Variants in RAP1GAP2 observed in about 807,000 individuals in gnomAD.
RAP1GAP2 encodes the protein rap1 GTPase-activating protein 2.
Under a neutral mutation model 95.0 loss-of-function variants are expected in RAP1GAP2, and 27 were observed. The observed-to-expected ratio is 0.28, with a 90% confidence interval of 0.21 to 0.39. The LOEUF (loss-of-function observed/expected upper bound fraction) is 0.39, where lower values mean the gene tolerates loss of function less well. Ranked by LOEUF, RAP1GAP2 falls within the 10% of genes least tolerant of loss-of-function variation. The probability of loss-of-function intolerance (pLI) is 1.00; values close to 1 mark genes in which losing one functional copy is unlikely to be tolerated. For missense variants in RAP1GAP2, 771 were observed against 970.0 expected (o/e 0.79, Z 2.72); for synonymous variants, 373 against 380.9 (o/e 0.98, Z 0.24).
chr17:2,970,222 C>T (rs139712245), intron 8 of RAP1GAP2, among the ~76,000 whole-genome samples: 2,210 of 138,878 alleles, frequency 0.016, 56 homozygotes, highest in African/African-American at 0.055. Context: ...TGCAGTGAGC[C>T]GATTTGGCGC....
chr17:2,809,553 C>T (rs1212539673), intron 2 of RAP1GAP2, among the ~76,000 whole-genome samples: 1 of 152,196 alleles, frequency 6.6e-6, no homozygotes, highest in Non-Finnish European at 1.5e-5. Context: ...AACCCCCAGG[C>T]CTCTGGCCAT....
chr17:2,905,224 T>C (rs2042161700), intron 2 of RAP1GAP2, 60 bp from the exon 3 acceptor site: 2 of 1,493,224 alleles, frequency 1.3e-6, no homozygotes, highest in Non-Finnish European at 1.9e-6. Flanking sequence ...CAGTCACTCT[T>C]GGAGGAGAGA....
intron 2 of RAP1GAP2, among the ~76,000 whole-genome samples, chr17:2,869,912 G>A (rs1230770536): frequency 6.6e-6 from 1 of 152,172 alleles, no homozygotes; most frequent in Admixed American, 6.5e-5. Context: ...ACGTGGCTCC[G>A]GGCCACGTGA....
chr17:3,023,828 C>G (rs1310052878), intron 19 of RAP1GAP2, among the ~76,000 whole-genome samples: 3 of 152,122 alleles, frequency 2.0e-5, no homozygotes, highest in Admixed American at 6.5e-5. Context: ...CCGACAGGCC[C>G]TGGTGTGTGA....
intron 21 of RAP1GAP2, 26 bp downstream of exon 21, chr17:3,026,490 G>A (rs2047122370): frequency 1.3e-6 from 2 of 1,512,736 alleles, no homozygotes; most frequent in South Asian, 1.2e-5. Flanking sequence ...CCACCCTTGG[G>A]CAGGCACTCT....
chr17:2,912,033 G>A lies in RAP1GAP2; in HGVS notation c.165+6665G>A, dbSNP rs577640261. 1.7e-3 allele frequency among the ~76,000 whole-genome samples: 262 copies of A among 152,274 alleles called. 1 individual carries two copies. The highest frequency in any genetic ancestry group is 6.0e-3 in the African/African-American group (250 of 41,554). ...TCTCCTTTCCAGAAGAGGATAATGTGCGCTTGGAGTTCCCACTGCAGGGAC... is the reference window on the plus strand; with the variant it reads ...TCTCCTTTCCAGAAGAGGATAATGTACGCTTGGAGTTCCCACTGCAGGGAC... On this transcript the variant is annotated intron_variant, in intron 3 of 24. Transcript: ENST00000254695.
intron 2 of RAP1GAP2, among the ~76,000 whole-genome samples, chr17:2,847,673 C>T (rs1335323377): frequency 1.3e-5 from 2 of 152,072 alleles, no homozygotes; most frequent in African/African-American, 2.4e-5. Flanking sequence ...TTCCACTCAG[C>T]CTCAGAAACT....
In RAP1GAP2 at chr17:2,998,250, C is replaced by T; in HGVS notation, c.1074C>T (p.Asp358=). The T allele has an allele frequency of 6.2e-7, 1 of 1,613,998 alleles. No homozygotes were observed. The highest frequency in any genetic ancestry group is 8.5e-7 in the Non-Finnish European group (1 of 1,179,850). The change falls in exon 14 of 25, where the codon GAC becomes GAT. Residue 358 remains aspartate, a synonymous_variant. Transcript: ENST00000254695. ...AGAGAAAGAGACACATTGGAAATGA[C>T]ATCGTGGCCATCATCTTCCAAGAGG... The part of the protein sequence containing the change: ...QLQRKRHIGN[D]IVAIIFQEEN...
At chr17:2,945,596 TGTTA>T (rs1251184991) in intron 3 of RAP1GAP2, among the ~76,000 whole-genome samples, 1 of 151,696 alleles carries the variant, frequency 6.6e-6, no homozygotes, top group African/African-American at 2.4e-5. Flanking sequence ...CTGAGTATGA[TGTTA>T]GCTATGTCTT....
intron 3 of RAP1GAP2, among the ~76,000 whole-genome samples, chr17:2,919,254 G>A (rs2042672901): frequency 1.3e-5 from 2 of 152,188 alleles, no homozygotes; most frequent in South Asian, 2.1e-4. Context: ...CTGGAGGAAG[G>A]AACATCTTTC....
intron 2 of RAP1GAP2, among the ~76,000 whole-genome samples, chr17:2,895,423 G>A (rs1182442742): frequency 2.0e-5 from 3 of 152,134 alleles, no homozygotes; most frequent in African/African-American, 7.2e-5. Flanking sequence ...ACATGATCTT[G>A]GTCCGCTTAA....
rs547671579 is a variant in RAP1GAP2 at position 2,882,673 on chromosome 17, T to C, written c.81-22611T>C. On this transcript the variant is annotated intron_variant, in intron 2 of 24. Transcript: ENST00000254695. ...GCTTTTCATTTCAGCATGGTCCCTG[T>C]GTCTCCTTCCTGGAGAATGGGTTGC... Among the ~76,000 whole-genome samples the C allele has an allele frequency of 7.2e-5, 11 of 152,326 alleles. No homozygotes were observed. In the East Asian group the frequency reaches 2.1e-3, roughly 29 times the overall value.
chr17:2,872,854 G>A (rs546160782), intron 2 of RAP1GAP2, among the ~76,000 whole-genome samples: 4 of 151,940 alleles, frequency 2.6e-5, no homozygotes, highest in African/African-American at 9.7e-5. Flanking sequence ...GTAGAGACTG[G>A]ATCCCACTTT....
intron 2 of RAP1GAP2, among the ~76,000 whole-genome samples, chr17:2,845,063 A>AC (rs1173183810): frequency 6.6e-6 from 1 of 152,058 alleles, no homozygotes; most frequent in African/African-American, 2.4e-5. Context: ...TGTGCCTAGT[A>AC]CCCTCATCCC....
At chr17:2,973,682 T>C (rs9914080) in intron 8 of RAP1GAP2, among the ~76,000 whole-genome samples, 41 of 152,162 alleles carry the variant, frequency 2.7e-4, no homozygotes, top group African/African-American at 9.9e-4. Context: ...AGATGAAGTA[T>C]ATGAAAAAGA....
At chr17:2,764,305 G>A (rs1567631136) in intron 1 of RAP1GAP2, among the ~76,000 whole-genome samples, 1 of 151,740 alleles carries the variant, frequency 6.6e-6, no homozygotes, top group African/African-American at 2.4e-5. Flanking sequence ...GGTGGCGGGC[G>A]CCTGTAATCC....
rs1597467611 is a variant in RAP1GAP2, at chr17:2,866,913, A to G, written c.81-38371A>G. On this transcript the variant is annotated intron_variant, in intron 2 of 24. Coordinates refer to ENST00000254695, the MANE Select transcript of RAP1GAP2 (RefSeq NM_015085.5). The surrounding 1 kb of genome is among the most constrained non-coding windows in gnomAD (Gnocchi z 4.0). ...CTGCACTCGGCCTATTTTATTTTTT[A>G]TTTTAGAGATGGAGTCTCACTCTGT... Among the ~76,000 whole-genome samples, 1 of 139,934 alleles carries G rather than the reference A, an allele frequency of 7.1e-6. No homozygotes were observed. Among genetic ancestry groups the G allele is most frequent in the East Asian group, 2.2e-4 (1 of 4,628 alleles). The allele number at this position is 139,934 out of a possible 152,430, so 91.8% of individuals were successfully genotyped here.
chr17:2,917,331 C>T (rs1157554516), intron 3 of RAP1GAP2, among the ~76,000 whole-genome samples: 4 of 151,972 alleles, frequency 2.6e-5, no homozygotes, highest in South Asian at 2.1e-4. Flanking sequence ...AGGGCAATGG[C>T]GCGATCTCGG....
intron 3 of RAP1GAP2, among the ~76,000 whole-genome samples, chr17:2,954,549 A>G (rs1178599195): frequency 6.6e-6 from 1 of 151,926 alleles, no homozygotes; most frequent in Admixed American, 6.6e-5. Context: ...TTTGTCATCC[A>G]TTTGGTTCAC....
Sources: allele counts gnomAD v4.1 joint callset (sites outside exome capture counted in the v4.1 genomes callset), GRCh38; gene constraint gnomAD v4.1.1; non-coding constraint Gnocchi (gnomAD v3.1); transcripts MANE v1.5; gene names NCBI Gene and HGNC (gene_info 2026-07-23, HGNC 2026-07-21).